PTPRG: variants seen among roughly 807,000 people sequenced by gnomAD.
PTPRG encodes the protein receptor-type tyrosine-protein phosphatase gamma.
In PTPRG, 102 loss-of-function variants were observed where a neutral mutation model predicts 165.3. The observed-to-expected ratio is 0.62, with a 90% CI of 0.53 to 0.73. The LOEUF (loss-of-function observed/expected upper bound fraction) is 0.73, where lower values mean the gene tolerates loss of function less well. PTPRG is among the 30% of genes least tolerant of loss of function. PTPRG has a pLI of 0.00. For synonymous variants in PTPRG, 675 were observed against 669.5 expected, an observed-to-expected ratio of 1.01 and a Z score of -0.13; for missense variants, 1,866 against 1,861.4, an observed-to-expected ratio of 1.00 and a Z score of -0.05.
At chr3:62,081,151 G>A (rs963258719) in intron 5 of PTPRG, among the ~76,000 whole-genome samples, 2 of 151,724 alleles carry the variant, frequency 1.3e-5, no homozygotes, top group African/African-American at 4.9e-5. Context: ...CAGCTACTCG[G>A]GAGGCTGAGG....
At chr3:62,117,751 G>A (rs1343666564) in intron 5 of PTPRG, among the ~76,000 whole-genome samples, 3 of 152,164 alleles carry the variant, frequency 2.0e-5, no homozygotes, top group Non-Finnish European at 4.4e-5. Flanking sequence ...CACAGGGTTC[G>A]AGCATCTGAC....
At chr3:62,019,038 A>G (rs963351758) in intron 4 of PTPRG, among the ~76,000 whole-genome samples, 4 of 152,218 alleles carry the variant, frequency 2.6e-5, no homozygotes, top group African/African-American at 9.6e-5. Context: ...GACCTGCAGA[A>G]GCTGACCTTA....
intron 8 of PTPRG, among the ~76,000 whole-genome samples, chr3:62,183,626 C>T (rs1338518686): frequency 6.6e-6 from 1 of 151,400 alleles, no homozygotes; most frequent in Non-Finnish European, 1.5e-5. Context: ...GGCACTATAG[C>T]AGCAATCTGT....
rs1427937327 is a variant in PTPRG at position 62,262,834 on chromosome 3, G to A, written c.2596G>A (p.Ala866Thr). 3.1e-6 allele frequency: 5 copies of A among 1,613,730 alleles called. No individual in the cohort carries two copies. Among genetic ancestry groups the A allele is most frequent in the African/African-American group, 1.3e-5 (1 of 74,884 alleles). Residue 866 changes from alanine to threonine, a missense_variant, in exon 17 of 30, where the codon GCA becomes ACA. Physicochemically the swap from Ala to Thr is moderately conservative, Grantham distance 58. Transcript: ENST00000474889. Reference sequence around the variant, plus strand: ...CTGTACTGCTGATATGAACATCACTGCAGAGCATTCCAATCATCCAGAAAA... The same window carrying A: ...CTGTACTGCTGATATGAACATCACTACAGAGCATTCCAATCATCCAGAAAA... ...QRCTADMNIT[A>T]EHSNHPENKH...
chr3:62,160,835 C>T lies in PTPRG; in HGVS notation c.840+3611C>T, dbSNP rs144091877. 5.2e-3 allele frequency among the ~76,000 whole-genome samples: 757 copies of T among 145,450 alleles called. 6 individuals carry two copies. The highest frequency in any genetic ancestry group is 0.019 in the African/African-American group (728 of 38,796). On this transcript the variant is annotated intron_variant, in intron 7 of 29. Coordinates refer to ENST00000474889, the MANE Select transcript of PTPRG (RefSeq NM_002841.4). ...AAAAGGCAATAAATAAGTCTGACTG[C>T]ATCTACTTTGTTTACCTTTAGATGT... is the stretch of plus-strand genomic sequence containing the variant.
At chr3:62,117,146 C>T (rs568790418) in intron 5 of PTPRG, among the ~76,000 whole-genome samples, 2 of 152,098 alleles carry the variant, frequency 1.3e-5, no homozygotes, top group East Asian at 1.9e-4. Flanking sequence ...ATTATTCAAA[C>T]GGACCATCTT....
At chr3:62,067,406 C>G (rs1051392056) in intron 4 of PTPRG, among the ~76,000 whole-genome samples, 21 of 152,110 alleles carry the variant, frequency 1.4e-4, no homozygotes, top group South Asian at 4.2e-4. Context: ...CTTTTTGGCA[C>G]GAGGGACCGG....
At chr3:61,621,104 ATAC>A (rs1238735626) in intron 1 of PTPRG, among the ~76,000 whole-genome samples, 2 of 146,280 alleles carry the variant, frequency 1.4e-5, no homozygotes, top group African/African-American at 5.0e-5. Flanking sequence ...TTATGTTCTT[ATAC>A]TAAAATCCTA....
At chr3:61,754,432 A>T (rs1466324450) in intron 2 of PTPRG, among the ~76,000 whole-genome samples, 1 of 152,204 alleles carries the variant, frequency 6.6e-6, no homozygotes, top group African/African-American at 2.4e-5. Context: ...GTTTTATAAC[A>T]TGCATGTGTG....
intron 1 of PTPRG, among the ~76,000 whole-genome samples, chr3:61,647,516 C>T (rs1702233251): frequency 6.6e-6 from 1 of 152,132 alleles, no homozygotes; most frequent in Admixed American, 6.5e-5. Context: ...ATTGGCCGGG[C>T]ACAGTGGCTC....
intron 2 of PTPRG, among the ~76,000 whole-genome samples, chr3:61,823,453 C>G (rs1457947767): frequency 6.6e-6 from 1 of 152,152 alleles, no homozygotes; most frequent in Non-Finnish European, 1.5e-5. Flanking sequence ...TCCCAAAGTA[C>G]TGGGATTACA....
At chr3:61,946,171 C>T (rs1026843463) in intron 2 of PTPRG, among the ~76,000 whole-genome samples, 6 of 152,146 alleles carry the variant, frequency 3.9e-5, no homozygotes, top group African/African-American at 1.4e-4. Context: ...CTTCCTCATA[C>T]AATCCCAAAG....
chr3:61,682,206 T>C (rs1325924216), intron 1 of PTPRG, among the ~76,000 whole-genome samples: 1 of 146,692 alleles, frequency 6.8e-6, no homozygotes, highest in Non-Finnish European at 1.5e-5. Context: ...GAAATAATGG[T>C]GAACTGCAAA....
intron 2 of PTPRG, among the ~76,000 whole-genome samples, chr3:61,817,195 T>TATAATATATAATATATAAAATG (rs2035810129): frequency 7.4e-6 from 1 of 135,678 alleles, no homozygotes; most frequent in Non-Finnish European, 1.5e-5. Flanking sequence ...TAAAATAATA[T>TATAATATATAATATATAAAATG]ATATAATAAT....
intron 8 of PTPRG, among the ~76,000 whole-genome samples, chr3:62,176,150 A>G (rs1399133026): frequency 6.6e-6 from 1 of 152,076 alleles, no homozygotes; most frequent in African/African-American, 2.4e-5. Context: ...CAAGAGGCTG[A>G]TGGAAATATC....
intron 2 of PTPRG, among the ~76,000 whole-genome samples, chr3:61,927,361 G>A (rs570761602): frequency 9.2e-5 from 14 of 152,242 alleles, no homozygotes; most frequent in East Asian, 1.9e-4. Context: ...TTTGGAGGCC[G>A]AGCTCTCAAA....
At chr3:61,920,265 G>A (rs2039044811) in intron 2 of PTPRG, among the ~76,000 whole-genome samples, 1 of 152,132 alleles carries the variant, frequency 6.6e-6, no homozygotes, top group South Asian at 2.1e-4. Context: ...GTGCCTTCTG[G>A]AGACCATGTC....
chr3:61,945,992 G>C (rs114244663), intron 2 of PTPRG, among the ~76,000 whole-genome samples: 12 of 152,172 alleles, frequency 7.9e-5, no homozygotes, highest in East Asian at 5.8e-4. Flanking sequence ...TTGATTGATT[G>C]ATTCATTCAT....
intron 1 of PTPRG, among the ~76,000 whole-genome samples, chr3:61,646,628 A>C (rs923706666): frequency 6.6e-6 from 1 of 152,198 alleles, no homozygotes; most frequent in Non-Finnish European, 1.5e-5. Context: ...AGATTTCACC[A>C]GTTTAACATG....
Sources: allele counts gnomAD v4.1 joint callset (sites outside exome capture counted in the v4.1 genomes callset), GRCh38; gene constraint gnomAD v4.1.1; transcripts MANE v1.5; gene names NCBI Gene and HGNC (gene_info 2026-07-23, HGNC 2026-07-21).